KLF12: variants seen among roughly 807,000 people sequenced by gnomAD.
KLF12 encodes the protein KLF transcription factor 12.
KLF12 carries 9 observed loss-of-function variants against 37.8 expected under a neutral mutation model. The ratio of observed to expected loss-of-function variants is 0.24; its 90% CI spans 0.14 to 0.42. KLF12 has a LOEUF of 0.42. Among genes scored for constraint, KLF12 ranks in the 10% least tolerant of loss-of-function variants. KLF12 has a pLI of 1.00. For synonymous variants in KLF12, 208 were observed against 202.1 expected (o/e 1.03, Z -0.25); for missense variants, 411 against 516.0 (o/e 0.80, Z 1.97).
chr13:74,144,440 A>G, the KLF12 span, among the ~76,000 whole-genome samples: 6 of 152,156 alleles, frequency 3.9e-5, no homozygotes, highest in Admixed American at 3.9e-4. Flanking sequence ...CTACTATATA[A>G]CTGCGTATTT....
At chr13:73,752,727 T>TC (rs1566342866) in intron 6 of KLF12, among the ~76,000 whole-genome samples, 5 of 81,500 alleles carry the variant, frequency 6.1e-5, no homozygotes, top group Non-Finnish European at 1.2e-4. Flanking sequence ...CTTCCACATA[T>TC]ATATTTTTTT....
At chr13:74,271,844 G>A in the KLF12 span, among the ~76,000 whole-genome samples, 1 of 152,068 alleles carries the variant, frequency 6.6e-6, no homozygotes, top group African/African-American at 2.4e-5. Flanking sequence ...ATTTCAAGAT[G>A]GCTCTTTGCC....
chr13:74,298,561 A>T, the KLF12 span, among the ~76,000 whole-genome samples: 1 of 152,234 alleles, frequency 6.6e-6, no homozygotes, highest in East Asian at 1.9e-4. Context: ...CAGATTTCAG[A>T]CCCATATGGG....
intron 1 of KLF12, among the ~76,000 whole-genome samples, chr13:74,079,846 A>G (rs1026075317): frequency 1.3e-5 from 2 of 152,194 alleles, no homozygotes; most frequent in African/African-American, 4.8e-5. Context: ...TTAAAAACAG[A>G]ATTACCATAT....
At chr13:74,282,432 C>A in the KLF12 span, among the ~76,000 whole-genome samples, 1 of 152,090 alleles carries the variant, frequency 6.6e-6, no homozygotes, top group Non-Finnish European at 1.5e-5. Context: ...ATGTTAATAC[C>A]ACCCACTATT....
the KLF12 span, among the ~76,000 whole-genome samples, chr13:74,201,589 A>G: frequency 6.6e-6 from 1 of 152,112 alleles, no homozygotes; most frequent in African/African-American, 2.4e-5. Flanking sequence ...CTGATTTTGA[A>G]TATCACTGGA....
At chr13:74,112,421 T>G (rs1311470034) in intron 1 of KLF12, among the ~76,000 whole-genome samples, 3 of 149,404 alleles carry the variant, frequency 2.0e-5, no homozygotes, top group Admixed American at 6.8e-5. Context: ...TGTGTGTGTT[T>G]TGTTTTGATT....
chr13:74,105,439 T>A (rs924295950), intron 1 of KLF12, among the ~76,000 whole-genome samples: 1 of 152,108 alleles, frequency 6.6e-6, no homozygotes, highest in East Asian at 1.9e-4. Flanking sequence ...ATTATCATAT[T>A]TTAAATAGTA....
intron 3 of KLF12, among the ~76,000 whole-genome samples, chr13:73,874,390 AC>A (rs1422062985): frequency 6.6e-6 from 1 of 152,196 alleles, no homozygotes; most frequent in Non-Finnish European, 1.5e-5. Flanking sequence ...ATTACGCACT[AC>A]CATAAATTAG....
rs113269877 is a variant in KLF12, at chr13:74,034,238, A to AT, written c.-31-39186dup. 5.5e-4 allele frequency among the ~76,000 whole-genome samples: 81 copies of AT among 148,496 alleles called. No homozygotes were observed. The East Asian group carries it at 9.3e-3, about 17-fold the overall frequency. On this transcript the variant is annotated intron_variant, in intron 1 of 7. Coordinates refer to ENST00000377669, the MANE Select transcript of KLF12 (RefSeq NM_007249.5). ...CCACCATGCCTGGCGAATTTTTTGT[A>AT]TTTTTTTTTTAGTAGAGATGGGTTT...
At chr13:73,832,520 C>CA (rs1203832492) in intron 4 of KLF12, among the ~76,000 whole-genome samples, 2 of 152,006 alleles carry the variant, frequency 1.3e-5, no homozygotes, top group Admixed American at 6.6e-5. Context: ...ACAGAAGAGA[C>CA]AAAAAAGCAA....
the KLF12 span, among the ~76,000 whole-genome samples, chr13:74,179,170 C>T: frequency 6.6e-6 from 1 of 152,200 alleles, no homozygotes; most frequent in African/African-American, 2.4e-5. Context: ...GTTTGGACTT[C>T]ATGACCACAG....
the KLF12 span, among the ~76,000 whole-genome samples, chr13:74,267,873 T>C: frequency 1.3e-5 from 2 of 152,082 alleles, no homozygotes; most frequent in South Asian, 4.1e-4. Flanking sequence ...TGATTAATTT[T>C]TTAAAAAAGA....
chr13:73,821,568 C>T (rs1883528528), intron 4 of KLF12, among the ~76,000 whole-genome samples: 3 of 152,182 alleles, frequency 2.0e-5, no homozygotes, highest in South Asian at 2.1e-4. Context: ...TGCTTTTCAT[C>T]GACTTCCTTG....
intron 6 of KLF12, among the ~76,000 whole-genome samples, chr13:73,721,473 C>T (rs778966983): frequency 6.6e-6 from 1 of 152,094 alleles, no homozygotes; most frequent in East Asian, 1.9e-4. Flanking sequence ...AAAGGTAAAC[C>T]GTTCTGTAAG....
chr13:74,238,184 T>C, the KLF12 span, among the ~76,000 whole-genome samples: 2 of 131,746 alleles, frequency 1.5e-5, 1 homozygote, highest in East Asian at 4.0e-4. Flanking sequence ...TTTTTCTGCA[T>C]CTATTGAGAT....
chr13:74,119,247 A>C (rs796809060), intron 1 of KLF12, among the ~76,000 whole-genome samples: 87 of 151,938 alleles, frequency 5.7e-4, no homozygotes, highest in African/African-American at 2.1e-3. Flanking sequence ...GCAGAGAATC[A>C]CTTGAACTTG....
Position 74,130,175 on chromosome 13 carries a change from T to C in KLF12, c.-32+3564A>G, listed in dbSNP as rs2139023888. Among the ~76,000 whole-genome samples the C allele has an allele frequency of 2.0e-5, 3 of 152,318 alleles. No homozygotes were observed. In the Middle Eastern group the frequency reaches 0.01, roughly 518 times the overall value. On this transcript the variant is annotated intron_variant, in intron 1 of 7. Transcript: ENST00000377669. ...CGTTGCCAGTGATTTAATTTTAATA[T>C]TTTTACCCTTACATTCTGTACACAG...
chr13:73,750,340 C>T (rs1416462938), intron 6 of KLF12, among the ~76,000 whole-genome samples: 1 of 152,186 alleles, frequency 6.6e-6, no homozygotes, highest in Non-Finnish European at 1.5e-5. Flanking sequence ...CTCCGGGCTT[C>T]AGTTTTCCTA....
Sources: allele counts gnomAD v4.1 joint callset (sites outside exome capture counted in the v4.1 genomes callset), GRCh38; gene constraint gnomAD v4.1.1; transcripts MANE v1.5; gene names NCBI Gene and HGNC (gene_info 2026-07-23, HGNC 2026-07-21).